Variants in PDE3A observed in about 807,000 individuals in gnomAD.
The protein encoded by PDE3A is cGMP-inhibited 3',5'-cyclic phosphodiesterase 3A.
A neutral mutation model predicts 98.3 loss-of-function variants in PDE3A; 43 were observed. That is an observed-to-expected ratio of 0.44 (90% CI 0.34 to 0.56). The LOEUF (loss-of-function observed/expected upper bound fraction) is 0.56, where lower values mean the gene tolerates loss of function less well. PDE3A is among the 20% of genes least tolerant of loss of function. The pLI, the probability that PDE3A is intolerant of heterozygous loss-of-function variation, is 0.01. For synonymous variants in PDE3A, 663 were observed against 567.9 expected, an observed-to-expected ratio of 1.17 and a Z score of -2.38; for missense variants, 1,427 against 1,440.7, an observed-to-expected ratio of 0.99 and a Z score of 0.15.
At chr12:20,652,603 T>C (rs1944947189) in intron 14 of PDE3A, among the ~76,000 whole-genome samples, 1 of 152,194 alleles carries the variant, frequency 6.6e-6, no homozygotes, top group African/African-American at 2.4e-5. Context: ...TTCACCCACT[T>C]TTTGATGGGG....
rs1942245749 is a variant in PDE3A at position 20,552,660 on chromosome 12, G to A, written c.961-4000G>A. 8.1e-6 allele frequency: 13 copies of A among 1,613,804 alleles called. No individual in the cohort carries two copies. The highest frequency in any genetic ancestry group is 1.1e-5 in the Non-Finnish European group (13 of 1,179,848). On this transcript the variant is annotated intron_variant, in intron 1 of 15. Coordinates refer to ENST00000359062, the MANE Select transcript of PDE3A (RefSeq NM_000921.5). The surrounding 1 kb of genome is among the most constrained non-coding windows in gnomAD (Gnocchi z 5.1). ...CCAAGGTGGAGCCCTACAGTCTCAC[G>A]GCCCAGCAGAGCAGCCTCATCAGAG...
chr12:20,545,077 G>A (rs1942015223), intron 1 of PDE3A, among the ~76,000 whole-genome samples: 1 of 151,974 alleles, frequency 6.6e-6, no homozygotes, highest in Admixed American at 6.6e-5. Context: ...AGACTGATGT[G>A]ATTACATTAT....
intron 15 of PDE3A, among the ~76,000 whole-genome samples, chr12:20,672,009 A>G (rs1945495789): frequency 6.6e-6 from 1 of 150,930 alleles, no homozygotes; most frequent in Non-Finnish European, 1.5e-5. Flanking sequence ...AAGTCTCAGG[A>G]TACAAAATCA....
chr12:20,654,306 A>G, intron 15 of PDE3A, 101 bp downstream of exon 15: 1 of 1,137,538 alleles, frequency 8.8e-7, no homozygotes, highest in Non-Finnish European at 1.3e-6. Context: ...CTTCAAGTCT[A>G]AACATCATTT....
chr12:20,609,534 A>G (rs1300410008), intron 2 of PDE3A, among the ~76,000 whole-genome samples: 2 of 152,098 alleles, frequency 1.3e-5, no homozygotes, highest in Non-Finnish European at 2.9e-5. Context: ...GTGTCTTCAC[A>G]GAAATAGAAA....
At chr12:20,522,420 G>A (rs1946446883) in intron 1 of PDE3A, among the ~76,000 whole-genome samples, 1 of 152,198 alleles carries the variant, frequency 6.6e-6, no homozygotes, top group South Asian at 2.1e-4. Flanking sequence ...GATTGTGAAA[G>A]TTTGAGAACT....
rs116851432 is a variant in PDE3A at position 20,621,383 on chromosome 12, T to A, written c.1512T>A (p.His504Gln). 2.8e-4 allele frequency: 458 copies of A among 1,610,870 alleles called. 3 individuals are homozygous for A. In the East Asian group the frequency reaches 0.01, roughly 35 times the overall value. The change falls in exon 5 of 16, where the codon CAT (histidine) becomes CAA (glutamine). Residue 504 changes from histidine to glutamine, a missense_variant. His to Gln is a conservative substitution (Grantham distance 24). Coordinates refer to ENST00000359062, the MANE Select transcript of PDE3A (RefSeq NM_000921.5). ...TSSYAISAANHVKAKKQSRPG... is the reference protein window; with the variant it reads ...TSSYAISAANQVKAKKQSRPG... ...CCTATGCTATTTCTGCAGCTAACCA[T>A]GTAAAGGCTAAAAAGCAAAGTCGAC...
intron 15 of PDE3A, among the ~76,000 whole-genome samples, chr12:20,672,704 T>C (rs1246739130): frequency 1.6e-5 from 2 of 126,712 alleles, no homozygotes; most frequent in African/African-American, 3.1e-5. Context: ...CAATTCAAGA[T>C]GGATTAAAGA....
intron 1 of PDE3A, among the ~76,000 whole-genome samples, chr12:20,508,368 T>C (rs1385957624): frequency 6.6e-6 from 1 of 151,944 alleles, no homozygotes; most frequent in Non-Finnish European, 1.5e-5. Context: ...TTTACTCATA[T>C]ATAATTTTTT....
intron 2 of PDE3A, among the ~76,000 whole-genome samples, chr12:20,593,497 G>C (rs760687205): frequency 6.6e-6 from 1 of 151,722 alleles, no homozygotes; most frequent in Non-Finnish European, 1.5e-5. Flanking sequence ...AGCCATCCTC[G>C]TGTGATATAA....
intron 1 of PDE3A, among the ~76,000 whole-genome samples, chr12:20,507,975 C>T (rs1471988509): frequency 6.6e-6 from 1 of 152,082 alleles, no homozygotes; most frequent in Non-Finnish European, 1.5e-5. Flanking sequence ...CTGCTCAAAA[C>T]CCTCCAATGG....
intron 15 of PDE3A, among the ~76,000 whole-genome samples, chr12:20,656,943 G>T (rs1945057095): frequency 6.6e-6 from 1 of 152,162 alleles, no homozygotes; most frequent in Admixed American, 6.5e-5. Flanking sequence ...GGGTTGGGTT[G>T]TCATACCTTC....
chr12:20,659,833 C>G (rs1945121213), intron 15 of PDE3A, among the ~76,000 whole-genome samples: 1 of 152,192 alleles, frequency 6.6e-6, no homozygotes, highest in East Asian at 1.9e-4. Context: ...CTTATCAATA[C>G]TTCATCATTT....
chr12:20,583,762 T>A (rs1334887883), intron 2 of PDE3A, among the ~76,000 whole-genome samples: 1 of 152,188 alleles, frequency 6.6e-6, no homozygotes, highest in Non-Finnish European at 1.5e-5. Flanking sequence ...ACTAATTGGC[T>A]TTTTTTCATT....
In PDE3A at chr12:20,686,616, G is replaced by C. The variant is rs7975280; in HGVS notation, c.*6345G>C. ...TTTCAAATTAAACAAACTACAGCAG[G>C]ATATTTTTCCTTTCCTGTTTCAAAA... On this transcript the variant is annotated 3_prime_UTR_variant, in exon 16 of 16. Coordinates refer to ENST00000359062, the MANE Select transcript of PDE3A (RefSeq NM_000921.5). Among the ~76,000 whole-genome samples the C allele has an allele frequency of 1.1e-3, 161 of 152,134 alleles. No individual in the cohort carries two copies. Among genetic ancestry groups the C allele is most frequent in the African/African-American group, 3.8e-3 (156 of 41,520 alleles).
At chr12:20,506,629 A>G (rs551076034) in intron 1 of PDE3A, among the ~76,000 whole-genome samples, 1 of 152,190 alleles carries the variant, frequency 6.6e-6, no homozygotes, top group South Asian at 2.1e-4. Context: ...TTTGGCTCAT[A>G]CATATCTTCA....
At chr12:20,467,871 G>C (rs531825357) in intron 1 of PDE3A, among the ~76,000 whole-genome samples, 98 of 143,576 alleles carry the variant, frequency 6.8e-4, no homozygotes, top group African/African-American at 2.3e-3. Flanking sequence ...GGAGGCGGAG[G>C]TTGCAGTGAG....
At chr12:20,482,683 G>T (rs2121010759) in intron 1 of PDE3A, among the ~76,000 whole-genome samples, 1 of 152,314 alleles carries the variant, frequency 6.6e-6, no homozygotes, top group Non-Finnish European at 1.5e-5. Flanking sequence ...AAGAATCTAT[G>T]TAAAAGCCAT....
chr12:20,666,854 C>A (rs994640784), intron 15 of PDE3A, among the ~76,000 whole-genome samples: 8 of 152,254 alleles, frequency 5.3e-5, no homozygotes, highest in African/African-American at 1.9e-4. Context: ...AATCTGCATA[C>A]TGTTTTCCAT....
Sources: gnomAD v4.1 joint callset for allele counts (sites outside exome capture counted in the v4.1 genomes callset) on GRCh38, gnomAD v4.1.1 for gene constraint, Gnocchi (gnomAD v3.1) non-coding constraint, MANE v1.5 for transcripts, NCBI Gene and HGNC (gene_info 2026-07-23, HGNC 2026-07-21) for gene names.